SERPINE2: variants seen among roughly 807,000 people sequenced by gnomAD.
The protein encoded by SERPINE2 is serpin family E member 2, also known as glia-derived nexin.
A neutral mutation model predicts 36.3 loss-of-function variants in SERPINE2; 14 were observed. The ratio of observed to expected loss-of-function variants is 0.39; its 90% CI spans 0.25 to 0.60. The LOEUF is 0.60. SERPINE2 is among the 20% of genes least tolerant of loss of function. The pLI is 0.57. For missense variants in SERPINE2, 418 were observed against 499.6 expected, an observed-to-expected ratio of 0.84 and a Z score of 1.56; for synonymous variants, 192 against 191.8, an observed-to-expected ratio of 1.00 and a Z score of -0.01.
intron 7 of SERPINE2, chr2:223,979,634 T>C (rs1690148279): frequency 6.6e-6 from 1 of 152,254 alleles, no homozygotes. Flanking sequence ...TCCTTCATTA[T>C]GTAAACCACT....
At chr2:224,036,602 T>C (rs1692546214) in intron 1 of SERPINE2, among the ~76,000 whole-genome samples, 1 of 149,626 alleles carries the variant, frequency 6.7e-6, no homozygotes, top group Non-Finnish European at 1.5e-5. Flanking sequence ...CTGCACGTTC[T>C]GCACATGTAC....
chr2:223,982,804 G>GA, intron 5 of SERPINE2, 23 bp from the exon 6 acceptor site: 28 of 1,558,924 alleles, frequency 1.8e-5, no homozygotes, highest in South Asian at 4.6e-5. Context: ...CAGAAATGGA[G>GA]AAAAAAAATC....
chr2:224,018,244 CATGAATAAGGAA>C (rs1222334602), intron 1 of SERPINE2, among the ~76,000 whole-genome samples: 1 of 152,182 alleles, frequency 6.6e-6, no homozygotes, highest in Non-Finnish European at 1.5e-5. Context: ...CTGCCAACCT[CATGAATAAGGAA>C]GTGTTTTCCT....
chr2:223,979,197 T>C (rs1690126796), intron 7 of SERPINE2: 1 of 152,206 alleles, frequency 6.6e-6, no homozygotes. Flanking sequence ...TACTCTGCTG[T>C]TGCTATCTTG....
At chr2:224,032,535 C>G (rs1692413935) in intron 1 of SERPINE2, among the ~76,000 whole-genome samples, 1 of 152,156 alleles carries the variant, frequency 6.6e-6, no homozygotes, top group East Asian at 1.9e-4. Context: ...GTGCATTTAC[C>G]AAGATTTGCA....
rs1346962711 is a variant in SERPINE2 at position 224,031,053 on chromosome 2, T to C, written c.-23+8046A>G. 11 of 984,646 alleles carry C rather than the reference T, an allele frequency of 1.1e-5. No individual in the cohort carries two copies. In the East Asian group the frequency reaches 1.3e-3, roughly 112 times the overall value. The allele number at this position is 984,646 out of a possible 1,614,324, so 61.0% of individuals were successfully genotyped here. On this transcript the variant is annotated intron_variant, in intron 1 of 8. Transcript: ENST00000409304. ...GCTATCACGCAGCACGGCGAGGAGG[T>C]AGTCTTGAAAGGAGGAGTGTGCTTT... is the stretch of plus-strand genomic sequence containing the variant.
At chr2:224,000,073 G>A (rs1276414799) in intron 2 of SERPINE2, among the ~76,000 whole-genome samples, 2 of 152,198 alleles carry the variant, frequency 1.3e-5, no homozygotes, top group African/African-American at 2.4e-5. Flanking sequence ...AGTCGGAGGC[G>A]GGTGCAGAGC....
chr2:224,029,670 T>C (rs987840941), intron 1 of SERPINE2, among the ~76,000 whole-genome samples: 1 of 152,090 alleles, frequency 6.6e-6, no homozygotes, highest in African/African-American at 2.4e-5. Context: ...TTAAACCAAA[T>C]AGATTATTTT....
intron 1 of SERPINE2, among the ~76,000 whole-genome samples, chr2:224,028,770 A>G (rs576640491): frequency 4.6e-5 from 7 of 152,330 alleles, no homozygotes; most frequent in Non-Finnish European, 7.3e-5. Flanking sequence ...TCCCCTTGGA[A>G]GTACTTTTTG....
chr2:224,011,788 A>G (rs1346933381), intron 1 of SERPINE2, among the ~76,000 whole-genome samples: 1 of 152,228 alleles, frequency 6.6e-6, no homozygotes, highest in Non-Finnish European at 1.5e-5. Flanking sequence ...AGGTCCAAAA[A>G]TGTTTACTAT....
chr2:224,020,915 A>G (rs1691977181), intron 1 of SERPINE2, among the ~76,000 whole-genome samples: 1 of 152,224 alleles, frequency 6.6e-6, no homozygotes, highest in South Asian at 2.1e-4. Context: ...TTTTAGCACT[A>G]TGAATGGATG....
chr2:224,023,109 G>T (rs1692067304), intron 1 of SERPINE2, among the ~76,000 whole-genome samples: 2 of 152,208 alleles, frequency 1.3e-5, no homozygotes, highest in African/African-American at 4.8e-5. Flanking sequence ...ATAGCAAGGT[G>T]AGAACAGACT....
chr2:223,982,846 G>T, intron 5 of SERPINE2, 65 bp from the exon 6 acceptor site: 3 of 1,137,156 alleles, frequency 2.6e-6, no homozygotes, highest in Non-Finnish European at 1.3e-6. Flanking sequence ...GATAGAGTCG[G>T]TGCATGTTTA....
intron 1 of SERPINE2, among the ~76,000 whole-genome samples, chr2:224,023,468 T>C (rs769897911): frequency 6.6e-6 from 1 of 152,164 alleles, no homozygotes. Flanking sequence ...CCCAGAGCAA[T>C]AGAGGGAAGC....
chr2:224,024,767 C>T (rs1692128624), intron 1 of SERPINE2, among the ~76,000 whole-genome samples: 1 of 152,244 alleles, frequency 6.6e-6, no homozygotes, highest in Admixed American at 6.5e-5. Context: ...CTGCTGCCAA[C>T]ATCCAAAGCT....
chr2:223,992,556 G>C (rs983885987), intron 3 of SERPINE2, among the ~76,000 whole-genome samples: 8 of 151,950 alleles, frequency 5.3e-5, no homozygotes, highest in African/African-American at 1.9e-4. Flanking sequence ...GGAATCTCTG[G>C]GTATCACAAG....
chr2:224,003,572 A>G (rs1401345538), intron 1 of SERPINE2, among the ~76,000 whole-genome samples: 1 of 152,204 alleles, frequency 6.6e-6, no homozygotes, highest in African/African-American at 2.4e-5. Context: ...GGATGTTCTC[A>G]ACTACAGTGA....
intron 4 of SERPINE2, among the ~76,000 whole-genome samples, chr2:223,987,911 T>C (rs1230988515): frequency 1.3e-5 from 2 of 152,248 alleles, no homozygotes; most frequent in African/African-American, 4.8e-5. Flanking sequence ...CTAATTACCT[T>C]CTACTACAAG....
chr2:224,017,166 G>T (rs935248158), intron 1 of SERPINE2, among the ~76,000 whole-genome samples: 5 of 152,212 alleles, frequency 3.3e-5, no homozygotes, highest in Non-Finnish European at 5.9e-5. Context: ...TGGATTGTGT[G>T]ATGTCAGTTT....
Sources: allele counts gnomAD v4.1 joint callset (sites outside exome capture counted in the v4.1 genomes callset), GRCh38; gene constraint gnomAD v4.1.1; transcripts MANE v1.5; gene names NCBI Gene and HGNC (gene_info 2026-07-23, HGNC 2026-07-21).